NRXN1: variants seen among roughly 807,000 people sequenced by gnomAD.
The protein encoded by NRXN1 is neurexin-1.
Under a neutral mutation model 150.9 loss-of-function variants are expected in NRXN1, and 39 were observed. The ratio of observed to expected loss-of-function variants is 0.26; its 90% CI spans 0.20 to 0.34. The LOEUF is 0.34. Among genes scored for constraint, NRXN1 ranks in the 10% least tolerant of loss-of-function variants. NRXN1 has a pLI of 1.00. For synonymous variants in NRXN1, 924 were observed against 757.0 expected (o/e 1.22, Z -3.62); for missense variants, 1,815 against 1,949.9 (o/e 0.93, Z 1.30).
At chr2:50,918,514 A>G (rs889254452) in intron 5 of NRXN1, 4 of 363,002 alleles carry the variant, frequency 1.1e-5, no homozygotes, top group Admixed American at 9.4e-5. Flanking sequence ...AAGTGCCAAC[A>G]TTCGCTGATA....
intron 4 of NRXN1, among the ~76,000 whole-genome samples, chr2:50,922,234 G>C (rs1334558110): frequency 2.6e-5 from 4 of 151,832 alleles, no homozygotes; most frequent in Non-Finnish European, 5.9e-5. Flanking sequence ...ATGTCTGCAT[G>C]TTCCCAAACT....
chr2:50,187,577 T>A (rs1167489276), intron 18 of NRXN1, among the ~76,000 whole-genome samples: 1 of 152,100 alleles, frequency 6.6e-6, no homozygotes, highest in Non-Finnish European at 1.5e-5. Context: ...TAAGGAGCTC[T>A]TTTTTGGATC....
intron 18 of NRXN1, among the ~76,000 whole-genome samples, chr2:50,106,533 T>G (rs538319688): frequency 6.6e-6 from 1 of 152,096 alleles, no homozygotes; most frequent in African/African-American, 2.4e-5. Flanking sequence ...ATACACTTAA[T>G]GACAGGTGAC....
At chr2:50,783,477 A>T (rs1704628999) in intron 5 of NRXN1, among the ~76,000 whole-genome samples, 1 of 152,110 alleles carries the variant, frequency 6.6e-6, no homozygotes, top group South Asian at 2.1e-4. Context: ...ATGTCCTCAG[A>T]GAATAAAACA....
At chr2:50,393,587 T>C (rs1036649029) in intron 17 of NRXN1, among the ~76,000 whole-genome samples, 1 of 152,142 alleles carries the variant, frequency 6.6e-6, no homozygotes, top group Non-Finnish European at 1.5e-5. Context: ...TTTTGAAAAC[T>C]TGAGATAGAA....
At chr2:50,419,949 A>G (rs1003531838) in intron 17 of NRXN1, among the ~76,000 whole-genome samples, 1 of 152,038 alleles carries the variant, frequency 6.6e-6, no homozygotes, top group Non-Finnish European at 1.5e-5. Flanking sequence ...ATCTGAATGC[A>G]TGGCTAAAAC....
At chr2:50,809,073 T>C (rs1226060676) in intron 5 of NRXN1, among the ~76,000 whole-genome samples, 1 of 152,102 alleles carries the variant, frequency 6.6e-6, no homozygotes, top group Non-Finnish European at 1.5e-5. Context: ...TTATAGAAAG[T>C]CAGTCTACAG....
At chr2:50,570,119 A>G (rs1670437887) in intron 8 of NRXN1, among the ~76,000 whole-genome samples, 1 of 152,184 alleles carries the variant, frequency 6.6e-6, no homozygotes, top group Non-Finnish European at 1.5e-5. Context: ...ATTTCTATTG[A>G]TATTTTGGAG....
intron 5 of NRXN1, among the ~76,000 whole-genome samples, chr2:50,732,108 C>T (rs1415089975): frequency 1.3e-5 from 2 of 151,978 alleles, no homozygotes; most frequent in African/African-American, 4.8e-5. Context: ...AACATAAAAG[C>T]ACATGTACTT....
chr2:50,192,880 G>C (rs1017917852), intron 18 of NRXN1, among the ~76,000 whole-genome samples: 6 of 152,166 alleles, frequency 3.9e-5, no homozygotes, highest in African/African-American at 1.4e-4. Flanking sequence ...GGGATTAGAG[G>C]TGCTGGGATT....
chr2:50,189,787 C>CTA (rs1450706441), intron 18 of NRXN1, among the ~76,000 whole-genome samples: 1 of 152,016 alleles, frequency 6.6e-6, no homozygotes, highest in Non-Finnish European at 1.5e-5. Flanking sequence ...GATCTGAACT[C>CTA]TAAGAGGCCT....
At chr2:50,030,990 G>T (rs1286443973) in intron 21 of NRXN1, among the ~76,000 whole-genome samples, 1 of 152,020 alleles carries the variant, frequency 6.6e-6, no homozygotes, top group Non-Finnish European at 1.5e-5. Flanking sequence ...TGCAAATGGG[G>T]AGAGAGGGGG....
chr2:50,569,234 C>T lies in NRXN1; in HGVS notation c.1321-16209G>A, dbSNP rs184778633. On this transcript the variant is annotated intron_variant, in intron 8 of 22. Coordinates refer to ENST00000401669, the MANE Select transcript of NRXN1 (RefSeq NM_001330078.2). ...TAAGTTCTAGTATTTGATATCACAA[C>T]AGTGTGACTGTAGTCAACAATAATA... is the stretch of plus-strand genomic sequence containing the variant. 7.3e-3 allele frequency among the ~76,000 whole-genome samples: 1,112 copies of T among 152,132 alleles called. 48 individuals carry two copies. The highest frequency in any genetic ancestry group is 0.067 in the Admixed American group (1,021 of 15,272).
At chr2:50,106,199 T>C (rs901669915) in intron 18 of NRXN1, among the ~76,000 whole-genome samples, 5 of 126,166 alleles carry the variant, frequency 4.0e-5, no homozygotes, top group African/African-American at 1.4e-4. Context: ...AATCAACCTC[T>C]ACATTATTAC....
intron 22 of NRXN1, among the ~76,000 whole-genome samples, chr2:49,938,844 C>G (rs1671486843): frequency 6.6e-6 from 1 of 152,112 alleles, no homozygotes; most frequent in Non-Finnish European, 1.5e-5. Flanking sequence ...ATAAAACTCA[C>G]CTTTTTAAAA....
chr2:50,984,875 T>TA (rs1334204200), intron 2 of NRXN1, among the ~76,000 whole-genome samples: 2 of 152,044 alleles, frequency 1.3e-5, no homozygotes, highest in African/African-American at 4.8e-5. Flanking sequence ...TATTTAGATC[T>TA]AAAAAAAATT....
At chr2:50,221,583 T>A (rs1251677041) in intron 18 of NRXN1, among the ~76,000 whole-genome samples, 1 of 150,220 alleles carries the variant, frequency 6.7e-6, no homozygotes, top group Non-Finnish European at 1.5e-5. Context: ...TTTTAAGAAT[T>A]GGCCATTTAA....
chr2:50,068,276 A>C (rs1695671669), intron 19 of NRXN1, among the ~76,000 whole-genome samples: 1 of 152,334 alleles, frequency 6.6e-6, no homozygotes, highest in South Asian at 2.1e-4. Context: ...AAGGTGCTGG[A>C]TAATTGCTAG....
At chr2:50,260,463 G>T (rs1165657032) in intron 17 of NRXN1, among the ~76,000 whole-genome samples, 1 of 151,696 alleles carries the variant, frequency 6.6e-6, no homozygotes. Flanking sequence ...GGTTAAGACG[G>T]AGACTCAACA....
Sources: allele counts gnomAD v4.1 joint callset (sites outside exome capture counted in the v4.1 genomes callset), GRCh38; gene constraint gnomAD v4.1.1; transcripts MANE v1.5; gene names NCBI Gene and HGNC (gene_info 2026-07-23, HGNC 2026-07-21).